SLC27A2: variants seen among roughly 807,000 people sequenced by gnomAD.
SLC27A2 encodes long-chain fatty acid transport protein 2.
A neutral mutation model predicts 60.0 loss-of-function variants in SLC27A2; 54 were observed. The observed-to-expected ratio is 0.90, with a 90% CI of 0.72 to 1.13. The LOEUF is 1.13. SLC27A2 is among the 50% of genes most tolerant of loss of function. The probability of loss-of-function intolerance (pLI) is 0.00; values close to 1 mark genes in which losing one functional copy is unlikely to be tolerated. For synonymous variants in SLC27A2, 297 were observed against 297.6 expected (o/e 1.00, Z 0.02); for missense variants, 739 against 777.6 (o/e 0.95, Z 0.59).
chr15:50,203,810 T>A (rs2045085600), intron 3 of SLC27A2, among the ~76,000 whole-genome samples: 2 of 152,046 alleles, frequency 1.3e-5, no homozygotes, highest in Admixed American at 6.6e-5. Flanking sequence ...AGTGCCCTTA[T>A]CAGAACAGGA....
At chr15:50,235,842 C>T (rs2045347936) in intron 9 of SLC27A2, 78 bp from the exon 10 acceptor site, 5 of 1,092,086 alleles carry the variant, frequency 4.6e-6, no homozygotes, top group African/African-American at 3.1e-5. Context: ...GATCCCCATG[C>T]CCCACCCCTA....
chr15:50,193,574 T>A (rs1198653571), intron 1 of SLC27A2, among the ~76,000 whole-genome samples: 2 of 152,206 alleles, frequency 1.3e-5, no homozygotes. Context: ...GTTGTTGTTT[T>A]AAAATTTGCC....
intron 2 of SLC27A2, among the ~76,000 whole-genome samples, chr15:50,199,008 G>T (rs2045044724): frequency 6.8e-6 from 1 of 147,940 alleles, no homozygotes; most frequent in Non-Finnish European, 1.5e-5. Context: ...ATTAAAGCTG[G>T]TGCCCAAAAC....
At chr15:50,212,768 C>A (rs1475442509) in intron 4 of SLC27A2, among the ~76,000 whole-genome samples, 1 of 152,168 alleles carries the variant, frequency 6.6e-6, no homozygotes, top group East Asian at 1.9e-4. Context: ...CACGTTACCA[C>A]TACAAGACCT....
rs111740647 is a variant in SLC27A2, at chr15:50,194,814, G to A, written c.479-2686G>A. On this transcript the variant is annotated intron_variant, in intron 1 of 9. Transcript: ENST00000267842. ...ACAAAATTTTTTAAAAAATGTAAAG[G>A]AGGGGAATAAAGATTCTTGGGGCAA... Among the ~76,000 whole-genome samples, 154 of 152,138 alleles carry A rather than the reference G, an allele frequency of 1.0e-3. 1 individual carries two copies. The highest frequency in any genetic ancestry group is 3.4e-3 in the African/African-American group (142 of 41,504).
At chr15:50,213,274 C>A (rs780644887) in intron 4 of SLC27A2, among the ~76,000 whole-genome samples, 8 of 152,090 alleles carry the variant, frequency 5.3e-5, no homozygotes, top group Non-Finnish European at 1.0e-4. Flanking sequence ...AATATATATG[C>A]ACCTAACACT....
intron 5 of SLC27A2, among the ~76,000 whole-genome samples, chr15:50,223,631 T>TGGTGAACATTTATGTC (rs1567436640): frequency 6.6e-6 from 1 of 152,328 alleles, no homozygotes; most frequent in Non-Finnish European, 1.5e-5. Context: ...TGCTAGGATC[T>TGGTGAACATTTATGTC]GGTGAACATT....
chr15:50,215,635 G>A (rs2045189764), intron 4 of SLC27A2, among the ~76,000 whole-genome samples: 1 of 152,142 alleles, frequency 6.6e-6, no homozygotes, highest in Non-Finnish European at 1.5e-5. Flanking sequence ...CATTGCCACA[G>A]AATAGAGAAC....
chr15:50,234,073 C>T (rs2140916436), intron 9 of SLC27A2, 75 bp downstream of exon 9: 2 of 1,392,608 alleles, frequency 1.4e-6, no homozygotes, highest in East Asian at 2.3e-5. Flanking sequence ...AACTCGCCTT[C>T]TCCCAGGATG....
At chr15:50,196,470 TATTGATAAG>T (rs1210496727) in intron 1 of SLC27A2, among the ~76,000 whole-genome samples, 4 of 152,108 alleles carry the variant, frequency 2.6e-5, no homozygotes, top group African/African-American at 7.2e-5. Context: ...CTATAACATT[TATTGATAAG>T]ATTCTGCTAC....
Position 50,197,741 on chromosome 15 carries a change from T to C in SLC27A2, c.688+32T>C, listed in dbSNP as rs2045035508. The C allele has an allele frequency of 2.6e-6, 4 of 1,528,708 alleles. No homozygotes were observed. The Admixed American group carries it at 5.0e-5, about 19-fold the overall frequency. The allele number at this position is 1,528,708 out of a possible 1,614,324, so 94.7% of individuals were successfully genotyped here. A position where few individuals can be genotyped will look rare whatever the true frequency, so the allele number is the denominator to read the frequency against. ...ATAAAGGGGGGATTCTCCAAAAAAATTAATCTGAAGGAGTTAAATGTTGAC... is the reference window on the plus strand; with the variant it reads ...ATAAAGGGGGGATTCTCCAAAAAAACTAATCTGAAGGAGTTAAATGTTGAC... On this transcript the variant is annotated intron_variant, in intron 2 of 9. Coordinates refer to ENST00000267842, the MANE Select transcript of SLC27A2 (RefSeq NM_003645.4).
At chr15:50,213,068 A>T (rs2045169818) in intron 4 of SLC27A2, among the ~76,000 whole-genome samples, 1 of 152,228 alleles carries the variant, frequency 6.6e-6, no homozygotes, top group African/African-American at 2.4e-5. Context: ...CTCACCTAGC[A>T]CATAAGGACT....
chr15:50,224,765 G>A (rs2045267966), intron 5 of SLC27A2, among the ~76,000 whole-genome samples: 1 of 152,162 alleles, frequency 6.6e-6, no homozygotes, highest in South Asian at 2.1e-4. Flanking sequence ...CACATTTCCA[G>A]TGCTGAATAG....
At position 50,235,847 on chromosome 15, in the gene SLC27A2, C is replaced by A; in HGVS notation, c.1687-73C>A. Reference sequence around the variant, plus strand: ...TGATTTGCTAGATCCCCATGCCCCACCCCTACCCCTTGCTCTGCATCCTAA... The same window carrying A: ...TGATTTGCTAGATCCCCATGCCCCAACCCTACCCCTTGCTCTGCATCCTAA... On this transcript the variant is annotated intron_variant, in intron 9 of 9. Transcript: ENST00000267842. 2.5e-6 allele frequency: 3 copies of A among 1,213,880 alleles called. No individual in the cohort carries two copies. The Admixed American group carries it at 5.8e-5, about 24-fold the overall frequency. 75.2% of individuals were successfully genotyped at this position (1,213,880 alleles called of 1,614,324 possible).
intron 1 of SLC27A2, among the ~76,000 whole-genome samples, chr15:50,194,000 A>C (rs903067460): frequency 6.6e-6 from 1 of 152,080 alleles, no homozygotes; most frequent in Non-Finnish European, 1.5e-5. Context: ...CTCTACAAAA[A>C]GTTAGCTGGG....
intron 1 of SLC27A2, 86 bp from the exon 2 acceptor site, chr15:50,197,414 A>T: frequency 9.6e-7 from 1 of 1,042,780 alleles, no homozygotes; most frequent in Non-Finnish European, 1.4e-6. Context: ...TTATGCTGAA[A>T]ATAAAATTAT....
intron 1 of SLC27A2, among the ~76,000 whole-genome samples, chr15:50,194,031 A>G (rs1007544337): frequency 2.0e-5 from 3 of 152,118 alleles, no homozygotes; most frequent in Non-Finnish European, 4.4e-5. Flanking sequence ...CTGTAGTCCC[A>G]GTTACTTGAG....
chr15:50,191,355 TCTC>T (rs1283376361), intron 1 of SLC27A2, among the ~76,000 whole-genome samples: 1 of 152,180 alleles, frequency 6.6e-6, no homozygotes, highest in African/African-American at 2.4e-5. Context: ...TCCCAGGACT[TCTC>T]CTTGGTTGAA....
At chr15:50,234,212 G>A (rs2045334372) in intron 9 of SLC27A2, among the ~76,000 whole-genome samples, 2 of 152,124 alleles carry the variant, frequency 1.3e-5, no homozygotes, top group Non-Finnish European at 2.9e-5. Context: ...TTGGGAGGCC[G>A]AGGTGGGAAG....
Sources: gnomAD v4.1 joint callset for allele counts (sites outside exome capture counted in the v4.1 genomes callset) on GRCh38, gnomAD v4.1.1 for gene constraint, MANE v1.5 for transcripts, NCBI Gene and HGNC (gene_info 2026-07-23, HGNC 2026-07-21) for gene names.